The following INO80D variants were observed in gnomAD, a reference collection of about 807,000 sequenced individuals.
INO80D encodes the protein INO80 complex subunit D.
Under a neutral mutation model 87.6 loss-of-function variants are expected in INO80D, and 21 were observed. The observed-to-expected ratio is 0.24, with a 90% CI of 0.17 to 0.35. INO80D has a LOEUF of 0.35. Among genes scored for constraint, INO80D ranks in the 10% least tolerant of loss-of-function variants. The pLI, the probability that INO80D is intolerant of heterozygous loss-of-function variation, is 1.00. For missense variants in INO80D, 982 were observed against 1,280.7 expected, an observed-to-expected ratio of 0.77 and a Z score of 3.56; for synonymous variants, 440 against 491.0, an observed-to-expected ratio of 0.90 and a Z score of 1.37.
rs563663807 is a variant in INO80D at position 206,040,806 on chromosome 2, G to A, written c.1073+5698C>T. 128 of 200,432 alleles carry A rather than the reference G, an allele frequency of 6.4e-4. 1 individual carries two copies. The highest frequency in any genetic ancestry group is 2.8e-3 in the African/African-American group (121 of 42,528). 12.4% of individuals were successfully genotyped at this position (200,432 alleles called of 1,614,324 possible). On this transcript the variant is annotated intron_variant, in intron 5 of 10. Transcript: ENST00000403263. ...TCAAGCTCAAAGAGAGATACAAAAC[G>A]GGCAAGAACAAGCAGTTCTTCCAGA...
chr2:206,046,827 G>C (rs1254657373), intron 4 of INO80D, among the ~76,000 whole-genome samples: 2 of 152,176 alleles, frequency 1.3e-5, no homozygotes, highest in Non-Finnish European at 2.9e-5. Flanking sequence ...TGTCACCCAG[G>C]CTGGAGTGCA....
intron 4 of INO80D, among the ~76,000 whole-genome samples, chr2:206,052,439 C>T (rs1258150739): frequency 5.9e-5 from 9 of 151,962 alleles, no homozygotes; most frequent in Non-Finnish European, 7.4e-5. Flanking sequence ...GTGATCCACC[C>T]GCCTCAGCCT....
chr2:206,028,203 A>G lies in INO80D; in HGVS notation c.1206T>C (p.Phe402=), dbSNP rs1423124302. The G allele has an allele frequency of 6.2e-7, 1 of 1,612,184 alleles. No individual in the cohort carries two copies. The highest frequency in any genetic ancestry group is 8.5e-7 in the Non-Finnish European group (1 of 1,179,158). ...ESRQKKCRHT[F]RKALLQAASK... ...TGGCCGCCTGCAGCAAAGCTTTCCT[A>G]AACGTATGCCGGCATTTCTTTTGAC... The change falls in exon 6 of 11, where the codon TTT becomes TTC. Residue 402 remains phenylalanine (F), a synonymous_variant. Coordinates refer to ENST00000403263, the MANE Select transcript of INO80D (RefSeq NM_017759.5).
In INO80D at chr2:205,996,627, T is replaced by G. The variant is rs962420139; in HGVS notation, c.*7741A>C. 3.3e-5 allele frequency: 5 copies of G among 152,128 alleles called. No individual in the cohort carries two copies. The highest frequency in any genetic ancestry group is 1.2e-4 in the African/African-American group (5 of 41,454). 9.4% of individuals were successfully genotyped at this position (152,128 alleles called of 1,614,324 possible). On this transcript the variant is annotated 3_prime_UTR_variant, in exon 11 of 11. Transcript: ENST00000403263. ...GGAAATATATGTATATAGCTTTATC[T>G]ATACACACACATATACATACGTGTA... is the stretch of plus-strand genomic sequence containing the variant.
At chr2:206,018,997 A>C (rs1157402245) in intron 7 of INO80D, among the ~76,000 whole-genome samples, 1 of 152,192 alleles carries the variant, frequency 6.6e-6, no homozygotes, top group Non-Finnish European at 1.5e-5. Context: ...ATATCTATTA[A>C]GTGCCTTTGT....
chr2:206,057,954 G>A (rs1012074043), intron 3 of INO80D, among the ~76,000 whole-genome samples: 1 of 148,226 alleles, frequency 6.7e-6, no homozygotes, highest in African/African-American at 2.5e-5. Flanking sequence ...TGAATTCTCT[G>A]TCTGAAAGAT....
chr2:206,067,423 A>T (rs1292734053), intron 1 of INO80D, among the ~76,000 whole-genome samples: 1 of 152,088 alleles, frequency 6.6e-6, no homozygotes, highest in Non-Finnish European at 1.5e-5. Context: ...ATAGTTAACA[A>T]TAATTATTAT....
At chr2:206,043,583 G>C (rs941327212) in intron 5 of INO80D, among the ~76,000 whole-genome samples, 2 of 152,048 alleles carry the variant, frequency 1.3e-5, no homozygotes, top group Non-Finnish European at 2.9e-5. Context: ...CGCCTCCCAG[G>C]TTCACGCCAT....
intron 4 of INO80D, among the ~76,000 whole-genome samples, chr2:206,055,637 T>C (rs1032356108): frequency 1.3e-5 from 2 of 152,240 alleles, no homozygotes; most frequent in Non-Finnish European, 2.9e-5. Flanking sequence ...TGTGGAATTC[T>C]AAATTCCCAA....
At chr2:206,060,012 T>G (rs1214940603) in intron 3 of INO80D, among the ~76,000 whole-genome samples, 2 of 152,110 alleles carry the variant, frequency 1.3e-5, no homozygotes, top group African/African-American at 4.8e-5. Flanking sequence ...GAAACAAGCC[T>G]GGGCAACCTA....
chr2:206,011,737 A>C (rs1206505679), intron 8 of INO80D, among the ~76,000 whole-genome samples: 1 of 152,218 alleles, frequency 6.6e-6, no homozygotes, highest in Non-Finnish European at 1.5e-5. Flanking sequence ...TGTATTCAAC[A>C]ATTACTTACT....
Position 206,001,379 on chromosome 2 carries a change from T to C in INO80D, c.*2989A>G, listed in dbSNP as rs1687906226. 1 of 152,158 alleles carries C rather than the reference T, an allele frequency of 6.6e-6. No homozygotes were observed. Among genetic ancestry groups the C allele is most frequent in the Admixed American group, 6.5e-5 (1 of 15,270 alleles). The allele number at this position is 152,158 out of a possible 1,614,324, so 9.4% of individuals were successfully genotyped here. The stretch of plus-strand genomic sequence containing the variant: ...CAATCTAACTGGCCTTTATAAATAG[T>C]CCCAAAGAACTGCAGAAACAGAGTG... On this transcript the variant is annotated 3_prime_UTR_variant, in exon 11 of 11. Transcript: ENST00000403263.
intron 1 of INO80D, among the ~76,000 whole-genome samples, chr2:206,075,385 T>C (rs1690085964): frequency 6.6e-6 from 1 of 152,152 alleles, no homozygotes; most frequent in Non-Finnish European, 1.5e-5. Context: ...TTGCCATCTG[T>C]AATTTTATAT....
intron 4 of INO80D, among the ~76,000 whole-genome samples, chr2:206,052,144 A>C (rs1157354334): frequency 6.6e-6 from 1 of 152,150 alleles, no homozygotes; most frequent in Admixed American, 6.5e-5. Context: ...GACTTACACA[A>C]CTGTTTTTAT....
intron 4 of INO80D, among the ~76,000 whole-genome samples, chr2:206,054,350 T>C (rs1689459138): frequency 6.6e-6 from 1 of 152,016 alleles, no homozygotes; most frequent in African/African-American, 2.4e-5. Flanking sequence ...AAAACTTATA[T>C]GAACAATAAT....
chr2:206,019,684 C>T (rs944081159), intron 7 of INO80D, 52 bp downstream of exon 7: 28 of 1,329,930 alleles, frequency 2.1e-5, no homozygotes, highest in Non-Finnish European at 2.8e-5. Flanking sequence ...ATATACAGCC[C>T]CAAATTAGGT....
At chr2:206,012,158 G>C (rs916200980) in intron 8 of INO80D, among the ~76,000 whole-genome samples, 22 of 152,270 alleles carry the variant, frequency 1.4e-4, no homozygotes, top group African/African-American at 5.3e-4. Flanking sequence ...CTGCTCTAAA[G>C]GCTACTTACT....
rs1374057400 is a variant in INO80D at position 206,003,538 on chromosome 2, A to C, written c.*830T>G. The C allele has an allele frequency of 6.6e-6, 1 of 152,212 alleles. No homozygotes were observed. The highest frequency in any genetic ancestry group is 1.5e-5 in the Non-Finnish European group (1 of 68,044). 9.4% of individuals were successfully genotyped at this position (152,212 alleles called of 1,614,324 possible). ...ATCCCTACCTCACTGACGGGAATCC[A>C]AGCTTTCTATGTTCTGTTTCTTCTT... On this transcript the variant is annotated 3_prime_UTR_variant, in exon 11 of 11. Transcript: ENST00000403263.
chr2:206,080,918 AAAAAAAAAAG>A (rs1438074022), intron 1 of INO80D, among the ~76,000 whole-genome samples: 1 of 150,566 alleles, frequency 6.6e-6, no homozygotes, highest in East Asian at 1.9e-4. Context: ...AAAAAAAAAA[AAAAAAAAAAG>A]AATATTAAAA....
Sources: gnomAD v4.1 joint callset for allele counts (sites outside exome capture counted in the v4.1 genomes callset) on GRCh38, gnomAD v4.1.1 for gene constraint, MANE v1.5 for transcripts, NCBI Gene and HGNC (gene_info 2026-07-23, HGNC 2026-07-21) for gene names.